Variants in ZNF804A observed in about 807,000 individuals in gnomAD.
ZNF804A encodes zinc finger protein 804A.
A neutral mutation model predicts 16.5 loss-of-function variants in ZNF804A; 2 were observed. The ratio of observed to expected loss-of-function variants is 0.12; its 90% CI spans 0.05 to 0.38. The LOEUF (loss-of-function observed/expected upper bound fraction) is 0.38. Ranked by LOEUF, ZNF804A falls within the 10% of genes least tolerant of loss-of-function variation. The pLI, the probability that ZNF804A is intolerant of heterozygous loss-of-function variation, is 0.99. For missense variants in ZNF804A, 1,473 were observed against 1,390.7 expected, an observed-to-expected ratio of 1.06 and a Z score of -0.94; for synonymous variants, 534 against 489.6, an observed-to-expected ratio of 1.09 and a Z score of -1.20.
chr2:184,716,268 TC>T (rs1693211877), intron 1 of ZNF804A, among the ~76,000 whole-genome samples: 1 of 152,146 alleles, frequency 6.6e-6, no homozygotes, highest in African/African-American at 2.4e-5. Flanking sequence ...TCATGTATTT[TC>T]CTAAGCCAGT....
At chr2:184,649,022 A>G (rs2105699065) in intron 1 of ZNF804A, among the ~76,000 whole-genome samples, 1 of 152,144 alleles carries the variant, frequency 6.6e-6, no homozygotes, top group South Asian at 2.1e-4. Flanking sequence ...AAATCAAATA[A>G]ACACTTAGCC....
chr2:184,687,529 A>G (rs978928426), intron 1 of ZNF804A, among the ~76,000 whole-genome samples: 1 of 152,234 alleles, frequency 6.6e-6, no homozygotes, highest in African/African-American at 2.4e-5. Context: ...TATTTAAAAG[A>G]CATAACACAA....
chr2:184,653,222 G>T (rs1036764362), intron 1 of ZNF804A, among the ~76,000 whole-genome samples: 3 of 152,014 alleles, frequency 2.0e-5, no homozygotes, highest in African/African-American at 7.3e-5. Flanking sequence ...CAACAACCAG[G>T]TGTTATTTAA....
intron 1 of ZNF804A, among the ~76,000 whole-genome samples, chr2:184,778,260 T>C (rs1694318831): frequency 6.6e-6 from 1 of 151,614 alleles, no homozygotes; most frequent in African/African-American, 2.4e-5. Context: ...TAAATATTCA[T>C]TGAGCATATA....
chr2:184,914,969 A>G (rs1281083341), intron 2 of ZNF804A, among the ~76,000 whole-genome samples: 1 of 151,718 alleles, frequency 6.6e-6, no homozygotes, highest in Non-Finnish European at 1.5e-5. Context: ...GGAATAATCT[A>G]GTTATTTATT....
rs1197520169 is a variant in ZNF804A, at chr2:184,851,199, G to A, written c.112-15170G>A. 3.3e-5 allele frequency among the ~76,000 whole-genome samples: 5 copies of A among 151,916 alleles called. No individual in the cohort carries two copies. In the East Asian group the frequency reaches 5.8e-4, roughly 18 times the overall value. On this transcript the variant is annotated intron_variant, in intron 1 of 3. Coordinates refer to ENST00000302277, the MANE Select transcript of ZNF804A (RefSeq NM_194250.2). ...TTTAATTTGTTTGTGGAGAGAGCACGTAAAATCTACCCTCTTAGCAGTTTT... is the reference window on the plus strand; with the variant it reads ...TTTAATTTGTTTGTGGAGAGAGCACATAAAATCTACCCTCTTAGCAGTTTT...
chr2:184,700,185 CT>C (rs1692897914), intron 1 of ZNF804A, among the ~76,000 whole-genome samples: 1 of 152,042 alleles, frequency 6.6e-6, no homozygotes, highest in Non-Finnish European at 1.5e-5. Flanking sequence ...TTTATTTCTT[CT>C]AAAAGTGTTT....
chr2:184,604,768 T>C (rs1016653334), intron 1 of ZNF804A, among the ~76,000 whole-genome samples: 14 of 152,270 alleles, frequency 9.2e-5, no homozygotes, highest in Non-Finnish European at 1.8e-4. Context: ...AGTTTACCTA[T>C]GTGGAGACAG....
intron 2 of ZNF804A, among the ~76,000 whole-genome samples, chr2:184,924,317 G>A (rs1275734175): frequency 6.6e-6 from 1 of 151,596 alleles, no homozygotes; most frequent in Non-Finnish European, 1.5e-5. Context: ...CTAGGAATTT[G>A]TGCATTTCTT....
At chr2:184,865,611 C>T (rs563879880) in intron 1 of ZNF804A, among the ~76,000 whole-genome samples, 1 of 152,226 alleles carries the variant, frequency 6.6e-6, no homozygotes, top group South Asian at 2.1e-4. Context: ...CACAGTCAAA[C>T]ATTTGGCCAT....
intron 1 of ZNF804A, among the ~76,000 whole-genome samples, chr2:184,630,440 A>G (rs2105686207): frequency 6.6e-6 from 1 of 152,140 alleles, no homozygotes; most frequent in East Asian, 1.9e-4. Flanking sequence ...CCTCAATGCC[A>G]AACACTTTCT....
intron 1 of ZNF804A, among the ~76,000 whole-genome samples, chr2:184,634,896 G>T (rs1022340551): frequency 1.3e-5 from 2 of 151,960 alleles, no homozygotes; most frequent in Non-Finnish European, 2.9e-5. Context: ...ATTATTAATT[G>T]TTTATATTGG....
intron 1 of ZNF804A, among the ~76,000 whole-genome samples, chr2:184,645,628 G>A (rs1691858115): frequency 6.6e-6 from 1 of 152,172 alleles, no homozygotes; most frequent in Non-Finnish European, 1.5e-5. Context: ...AATATTTTAA[G>A]CTATGACAGC....
In ZNF804A at chr2:184,742,583, C is replaced by T. The variant is rs1200272779; in HGVS notation, c.112-123786C>T. 1.4e-4 allele frequency among the ~76,000 whole-genome samples: 22 copies of T among 151,776 alleles called. 1 individual carries two copies. The highest frequency in any genetic ancestry group is 1.4e-3 in the Admixed American group (21 of 15,194). On this transcript the variant is annotated intron_variant, in intron 1 of 3. Coordinates refer to ENST00000302277, the MANE Select transcript of ZNF804A (RefSeq NM_194250.2). ...AAACTTGCAGTAACTACTTTATTTC[C>T]TAAGTTTTCTTCAGAATTTTCACAT...
chr2:184,765,403 C>T (rs1348253809), intron 1 of ZNF804A, among the ~76,000 whole-genome samples: 4 of 152,058 alleles, frequency 2.6e-5, no homozygotes, highest in Admixed American at 6.6e-5. Context: ...GCAGACAGAC[C>T]GGCACTGCAC....
At chr2:184,642,918 A>G (rs1366081815) in intron 1 of ZNF804A, among the ~76,000 whole-genome samples, 1 of 152,158 alleles carries the variant, frequency 6.6e-6, no homozygotes, top group Admixed American at 6.5e-5. Context: ...TAATGGAGTC[A>G]TATATATTGA....
At chr2:184,781,578 T>C (rs1372131802) in intron 1 of ZNF804A, among the ~76,000 whole-genome samples, 1 of 151,768 alleles carries the variant, frequency 6.6e-6, no homozygotes, top group Non-Finnish European at 1.5e-5. Flanking sequence ...TTTTCTGAAT[T>C]CCTATGGGTA....
intron 2 of ZNF804A, among the ~76,000 whole-genome samples, chr2:184,909,644 G>T (rs1029752535): frequency 2.0e-5 from 3 of 151,694 alleles, no homozygotes; most frequent in Non-Finnish European, 2.9e-5. Flanking sequence ...CAGTTATTTT[G>T]TCTTAATTTA....
chr2:184,611,343 T>A (rs1340326245), intron 1 of ZNF804A, among the ~76,000 whole-genome samples: 2 of 152,128 alleles, frequency 1.3e-5, no homozygotes, highest in Non-Finnish European at 2.9e-5. Flanking sequence ...CTTACATGTT[T>A]ACCCATACCC....
Sources: gnomAD v4.1 joint callset for allele counts (sites outside exome capture counted in the v4.1 genomes callset) on GRCh38, gnomAD v4.1.1 for gene constraint, MANE v1.5 for transcripts, NCBI Gene and HGNC (gene_info 2026-07-23, HGNC 2026-07-21) for gene names.